Variants in FSTL1 observed in about 807,000 individuals in gnomAD.
FSTL1 encodes the protein follistatin-related protein 1.
A neutral mutation model predicts 45.9 loss-of-function variants in FSTL1; 24 were observed. The observed-to-expected ratio is 0.52, with a 90% CI of 0.38 to 0.74. FSTL1 has a LOEUF of 0.74. Among genes scored for constraint, FSTL1 ranks in the 30% least tolerant of loss-of-function variants. The pLI is 0.00. For synonymous variants in FSTL1, 120 were observed against 137.6 expected (o/e 0.87, Z 0.89); for missense variants, 340 against 381.8 (o/e 0.89, Z 0.91).
In FSTL1 at chr3:120,450,757, G is replaced by T; in HGVS notation, c.1-11C>A. The T allele has an allele frequency of 6.4e-7, 1 of 1,573,380 alleles. No homozygotes were observed. Among genetic ancestry groups the T allele is most frequent in the South Asian group, 1.1e-5 (1 of 87,700 alleles). On this transcript the variant is annotated splice_polypyrimidine_tract_variant and intron_variant, in intron 1 of 10. Coordinates refer to ENST00000295633, the MANE Select transcript of FSTL1 (RefSeq NM_007085.5). ...CCAGCGTTTCCACATCTGCGGAAGA[G>T]AGAAGAGAGCGAGTCTGAAGGCGCC...
Position 120,403,930 on chromosome 3 carries a change from A to C in FSTL1, c.582-576T>G, listed in dbSNP as rs555566257. Among the ~76,000 whole-genome samples, 193 of 129,074 alleles carry C rather than the reference A, an allele frequency of 1.5e-3. 2 individuals carry two copies. The highest frequency in any genetic ancestry group is 5.5e-3 in the African/African-American group (187 of 34,016). The allele number at this position is 129,074 out of a possible 152,430, so 84.7% of individuals were successfully genotyped here. A position where few individuals can be genotyped will look rare whatever the true frequency, so the allele number is the denominator to read the frequency against. ...AGCGAGACTCCGTCTCAAAAAAAAA[A>C]AAAAAAAAAAAAAACAAAAACAAAA... On this transcript the variant is annotated intron_variant, in intron 7 of 10. Coordinates refer to ENST00000295633, the MANE Select transcript of FSTL1 (RefSeq NM_007085.5).
chr3:120,416,634 T>G (rs1559738586), intron 2 of FSTL1, among the ~76,000 whole-genome samples: 1 of 152,222 alleles, frequency 6.6e-6, no homozygotes, highest in Non-Finnish European at 1.5e-5. Flanking sequence ...TGAATGGTGT[T>G]CTAGGCATTA....
chr3:120,418,660 A>G (rs1937228585), intron 2 of FSTL1, among the ~76,000 whole-genome samples: 2 of 152,228 alleles, frequency 1.3e-5, no homozygotes, highest in South Asian at 4.1e-4. Context: ...AGAGTGCGTC[A>G]GAGATTTAGG....
At chr3:120,415,393 G>A (rs1436307590) in intron 3 of FSTL1, among the ~76,000 whole-genome samples, 1 of 152,170 alleles carries the variant, frequency 6.6e-6, no homozygotes, top group Non-Finnish European at 1.5e-5. Context: ...AGTTAAATGA[G>A]TTAAAAGTAT....
rs373753891 is a variant in FSTL1 at position 120,399,657 on chromosome 3, C to T, written c.882+226G>A. Among the ~76,000 whole-genome samples the T allele has an allele frequency of 6.8e-4, 103 of 152,312 alleles. 2 individuals are homozygous for T. The South Asian group carries it at 0.02, about 30-fold the overall frequency. ...GATTTTGCCTTATGCAGCCACTCAC[C>T]GAGCTGTAACCTATATGTGTTGAGA... is the stretch of plus-strand genomic sequence containing the variant. On this transcript the variant is annotated intron_variant, in intron 10 of 10. Transcript: ENST00000295633.
At chr3:120,429,343 ACT>A (rs1937438250) in intron 2 of FSTL1, among the ~76,000 whole-genome samples, 1 of 152,116 alleles carries the variant, frequency 6.6e-6, no homozygotes, top group South Asian at 2.1e-4. Flanking sequence ...TTTATGCATC[ACT>A]CTGGAGCACC....
intron 2 of FSTL1, among the ~76,000 whole-genome samples, chr3:120,432,257 G>T (rs768840770): frequency 6.6e-6 from 1 of 152,132 alleles, no homozygotes; most frequent in Non-Finnish European, 1.5e-5. Flanking sequence ...AGTGCCTTGA[G>T]ATTAAAGTCA....
chr3:120,441,737 A>T (rs1937630504), intron 2 of FSTL1, among the ~76,000 whole-genome samples: 1 of 152,242 alleles, frequency 6.6e-6, no homozygotes, highest in Admixed American at 6.5e-5. Context: ...TGAAGATGAT[A>T]ATACCAACTA....
chr3:120,439,411 G>T (rs1298794666), intron 2 of FSTL1, among the ~76,000 whole-genome samples: 1 of 152,208 alleles, frequency 6.6e-6, no homozygotes, highest in African/African-American at 2.4e-5. Context: ...AGATATTTAA[G>T]ATTTCCATGT....
chr3:120,435,230 A>G (rs972022927), intron 2 of FSTL1, among the ~76,000 whole-genome samples: 5 of 152,150 alleles, frequency 3.3e-5, no homozygotes, highest in Non-Finnish European at 7.4e-5. Context: ...AAACAAAAAC[A>G]AACAAACAAA....
intron 2 of FSTL1, among the ~76,000 whole-genome samples, chr3:120,447,669 T>A (rs1252081063): frequency 6.6e-6 from 1 of 152,188 alleles, no homozygotes; most frequent in African/African-American, 2.4e-5. Context: ...TTTTTTTAAA[T>A]ACAAGGTTTC....
In FSTL1 at chr3:120,395,470, G is replaced by A; in HGVS notation, c.*1482C>T. On this transcript the variant is annotated 3_prime_UTR_variant, in exon 11 of 11. Coordinates refer to ENST00000295633, the MANE Select transcript of FSTL1 (RefSeq NM_007085.5). ...CTTTTATCCTCATCTCTAAGGGAAT[G>A]CTTTCTATTTCCAGCCGGAGGTTAA... 1 of 379,258 alleles carries A rather than the reference G, an allele frequency of 2.6e-6. No individual in the cohort carries two copies. Among genetic ancestry groups the A allele is most frequent in the South Asian group, 2.1e-5 (1 of 48,150 alleles). 23.5% of individuals were successfully genotyped at this position (379,258 alleles called of 1,614,324 possible).
At chr3:120,441,611 G>A (rs1340483960) in intron 2 of FSTL1, among the ~76,000 whole-genome samples, 1 of 152,234 alleles carries the variant, frequency 6.6e-6, no homozygotes, top group Non-Finnish European at 1.5e-5. Flanking sequence ...ACTTCTGTAT[G>A]CCATGAACAC....
intron 10 of FSTL1, among the ~76,000 whole-genome samples, chr3:120,398,140 G>C (rs1024876416): frequency 2.0e-5 from 3 of 152,074 alleles, no homozygotes; most frequent in South Asian, 2.1e-4. Context: ...TTTCTTTCTG[G>C]GATAATGAAA....
chr3:120,442,788 G>GAAAAAAAA (rs749297340), intron 2 of FSTL1, among the ~76,000 whole-genome samples: 9 of 53,242 alleles, frequency 1.7e-4, no homozygotes, highest in Admixed American at 5.1e-4. Flanking sequence ...TCTCAAAAAA[G>GAAAAAAAA]AAAAAAAAAA....
intron 7 of FSTL1, among the ~76,000 whole-genome samples, chr3:120,403,945 C>CAAAAA (rs1560011583): frequency 2.7e-5 from 2 of 74,462 alleles, no homozygotes; most frequent in Non-Finnish European, 5.2e-5. Flanking sequence ...AAAAAAAAAA[C>CAAAAA]AAAAACAAAA....
chr3:120,425,419 G>A (rs1466044626), intron 2 of FSTL1, among the ~76,000 whole-genome samples: 8 of 151,974 alleles, frequency 5.3e-5, no homozygotes, highest in African/African-American at 1.9e-4. Flanking sequence ...GTAACCTGGA[G>A]TGTAAGCCAG....
At chr3:120,399,288 C>G (rs1936768787) in intron 10 of FSTL1, among the ~76,000 whole-genome samples, 1 of 152,142 alleles carries the variant, frequency 6.6e-6, no homozygotes, top group South Asian at 2.1e-4. Flanking sequence ...CCCAAGGAAG[C>G]CTTTAACTTA....
At chr3:120,401,562 C>T (rs973950194) in intron 9 of FSTL1, among the ~76,000 whole-genome samples, 4 of 151,466 alleles carry the variant, frequency 2.6e-5, no homozygotes, top group African/African-American at 9.7e-5. Flanking sequence ...TCTTCCTTGA[C>T]ACAGTTAACT....
Sources: gnomAD v4.1 joint callset for allele counts (sites outside exome capture counted in the v4.1 genomes callset) on GRCh38, gnomAD v4.1.1 for gene constraint, MANE v1.5 for transcripts, NCBI Gene and HGNC (gene_info 2026-07-23, HGNC 2026-07-21) for gene names.